DHRS12: variants seen among roughly 807,000 people sequenced by gnomAD.
DHRS12 encodes dehydrogenase/reductase 12, also known as dehydrogenase/reductase SDR family member 12.
A neutral mutation model predicts 32.1 loss-of-function variants in DHRS12; 29 were observed. The observed-to-expected ratio is 0.90, with a 90% confidence interval of 0.67 to 1.23. DHRS12 has a LOEUF of 1.23. Among genes scored for constraint, DHRS12 ranks in the 50% most tolerant of loss-of-function variants. DHRS12 has a pLI of 0.00. For synonymous variants in DHRS12, 150 were observed against 135.9 expected, an observed-to-expected ratio of 1.10 and a Z score of -0.72; for missense variants, 330 against 337.2, an observed-to-expected ratio of 0.98 and a Z score of 0.17.
At chr13:51,755,343 G>C in the DHRS12 span, 2 of 1,613,926 alleles carry the variant, frequency 1.2e-6, no homozygotes, top group Non-Finnish European at 1.7e-6. Flanking sequence ...CCTGTTCTGT[G>C]CTTTATTTGA....
chr13:51,763,392 G>A (rs998727473), downstream of DHRS12: 1 of 152,200 alleles, frequency 6.6e-6, no homozygotes, highest in South Asian at 2.1e-4. Flanking sequence ...AGGCAAAACT[G>A]AAATGGAAAT....
At chr13:51,755,541 G>C in the DHRS12 span, 20 of 1,379,074 alleles carry the variant, frequency 1.5e-5, no homozygotes, top group Non-Finnish European at 2.0e-5. Flanking sequence ...TAACACCCCT[G>C]GGTGGGAGTT....
At chr13:51,776,344 A>G (rs1249773479) in intron 5 of DHRS12, 1 of 151,870 alleles carries the variant, frequency 6.6e-6, no homozygotes, top group Non-Finnish European at 1.5e-5. Context: ...GGCTGGCAGC[A>G]CTCCTTGGCT....
intron 5 of DHRS12, among the ~76,000 whole-genome samples, chr13:51,776,824 C>G (rs1489678244): frequency 6.6e-6 from 1 of 152,066 alleles, no homozygotes; most frequent in Non-Finnish European, 1.5e-5. Context: ...TTGCCGACAC[C>G]CACGTGACAG....
chr13:51,760,839 G>A, the DHRS12 span: 2 of 152,358 alleles, frequency 1.3e-5, no homozygotes, highest in Admixed American at 1.3e-4. Context: ...ATGGGAGGCG[G>A]AGCCCAGGCA....
At chr13:51,762,167 C>A in the DHRS12 span, 1 of 152,264 alleles carries the variant, frequency 6.6e-6, no homozygotes, top group Admixed American at 6.5e-5. Context: ...GCTTGGCCTG[C>A]CGGCAGAGAG....
At position 51,770,369 on chromosome 13, in the gene DHRS12, C is replaced by T. The variant is rs141546605; in HGVS notation, c.560-1076G>A. 4.2e-3 allele frequency among the ~76,000 whole-genome samples: 644 copies of T among 152,276 alleles called. 5 individuals are homozygous for T. Among genetic ancestry groups the T allele is most frequent in the African/African-American group, 0.015 (618 of 41,568 alleles). On this transcript the variant is annotated intron_variant, in intron 7 of 8. Coordinates refer to ENST00000444610, the MANE Select transcript of DHRS12 (RefSeq NM_001377533.1). ...CTGAACAACACATGGTAAACTGCAC[C>T]TTGACCCAGATGATAGAGCCCGCTG...
At chr13:51,787,803 T>TATAC (rs869069349) in intron 4 of DHRS12, among the ~76,000 whole-genome samples, 2 of 63,300 alleles carry the variant, frequency 3.2e-5, no homozygotes, top group Non-Finnish European at 6.4e-5. Context: ...TTAATATATA[T>TATAC]TTATATATAA....
intron 4 of DHRS12, among the ~76,000 whole-genome samples, chr13:51,788,859 C>CA (rs59141049): frequency 0.026 from 3,816 of 145,154 alleles, 86 homozygotes; most frequent in African/African-American, 0.069. Flanking sequence ...GATCCTGTCT[C>CA]AAAAAAAAAA....
intron 4 of DHRS12, 101 bp from the exon 5 acceptor site, chr13:51,777,222 C>T (rs1193716568): frequency 2.2e-6 from 3 of 1,359,420 alleles, no homozygotes; most frequent in Admixed American, 1.8e-5. Flanking sequence ...ACCCGCCCCC[C>T]ACAAGAGGGC....
intron 4 of DHRS12, among the ~76,000 whole-genome samples, chr13:51,784,846 A>C (rs548120852): frequency 6.6e-6 from 1 of 152,230 alleles, no homozygotes; most frequent in Admixed American, 6.5e-5. Flanking sequence ...GTATGTGTCT[A>C]ATTCCCCCAC....
chr13:51,790,953 G>A (rs1955238293), intron 3 of DHRS12, among the ~76,000 whole-genome samples: 1 of 152,088 alleles, frequency 6.6e-6, no homozygotes, highest in Non-Finnish European at 1.5e-5. Flanking sequence ...CCTACCCAGT[G>A]GATGGCCCCT....
At chr13:51,788,509 T>C (rs1669753226) in intron 4 of DHRS12, among the ~76,000 whole-genome samples, 1 of 152,134 alleles carries the variant, frequency 6.6e-6, no homozygotes, top group Non-Finnish European at 1.5e-5. Flanking sequence ...TCTTTCTCCC[T>C]TGGACCTTCT....
chr13:51,797,713 G>T (rs1302603730), intron 2 of DHRS12: 1 of 1,119,930 alleles, frequency 8.9e-7, no homozygotes. Flanking sequence ...TTCCAAAGCA[G>T]AAGCACAAAC....
In DHRS12 at chr13:51,799,675, G is replaced by C; in HGVS notation, c.-8-8C>G. 6.2e-7 allele frequency: 1 copy of C among 1,613,552 alleles called. No homozygotes were observed. The highest frequency in any genetic ancestry group is 1.3e-5 in the African/African-American group (1 of 75,026). ...GCAGATTCATAGCCACTCCTAGAAAGAGGAGACCCACAGGAAGACCAGCTG... is the reference window on the plus strand; with the variant it reads ...GCAGATTCATAGCCACTCCTAGAAACAGGAGACCCACAGGAAGACCAGCTG... On this transcript the variant is annotated splice_region_variant and splice_polypyrimidine_tract_variant and intron_variant, in intron 1 of 8. Transcript: ENST00000444610.
chr13:51,769,034 C>A (rs79996287), intron 8 of DHRS12, 122 bp downstream of exon 8: 2 of 1,463,488 alleles, frequency 1.4e-6, no homozygotes, highest in East Asian at 2.7e-5. Flanking sequence ...GCCAAAGAAG[C>A]CCAGGCACCC....
chr13:51,800,668 G>C (rs1457945010), intron 1 of DHRS12, among the ~76,000 whole-genome samples: 2 of 152,250 alleles, frequency 1.3e-5, no homozygotes, highest in Non-Finnish European at 2.9e-5. Flanking sequence ...CCTGCCCCAT[G>C]CCCTGGTACA....
At chr13:51,761,693 C>A in the DHRS12 span, 1 of 152,226 alleles carries the variant, frequency 6.6e-6, no homozygotes, top group Non-Finnish European at 1.5e-5. Flanking sequence ...AAGCTGTCCT[C>A]AGGTACTGCC....
At chr13:51,769,350 A>T in intron 7 of DHRS12, 57 bp from the exon 8 acceptor site, 2 of 1,279,428 alleles carry the variant, frequency 1.6e-6, no homozygotes, top group Non-Finnish European at 2.1e-6. Flanking sequence ...AATGTGGTTG[A>T]CTTCCCTTAA....
Sources: gnomAD v4.1 joint callset for allele counts (sites outside exome capture counted in the v4.1 genomes callset) on GRCh38, gnomAD v4.1.1 for gene constraint, MANE v1.5 for transcripts, NCBI Gene and HGNC (gene_info 2026-07-23, HGNC 2026-07-21) for gene names.